Variants in CSMD1 observed in about 807,000 individuals in gnomAD.
The protein encoded by CSMD1 is CUB and sushi domain-containing protein 1.
A neutral mutation model predicts 417.5 loss-of-function variants in CSMD1; 213 were observed. The ratio of observed to expected loss-of-function variants is 0.51; its 90% confidence interval spans 0.46 to 0.57. The LOEUF (loss-of-function observed/expected upper bound fraction) is 0.57. Among genes scored for constraint, CSMD1 ranks in the 20% least tolerant of loss-of-function variants. The pLI, the probability that CSMD1 is intolerant of heterozygous loss-of-function variation, is 0.00. For missense variants in CSMD1, 6,923 were observed against 4,529.7 expected (o/e 1.53, Z -15.17); for synonymous variants, 2,862 against 1,736.8 (o/e 1.65, Z -16.11).
chr8:4,889,830 T>G (rs1803989252), intron 1 of CSMD1, among the ~76,000 whole-genome samples: 2 of 152,232 alleles, frequency 1.3e-5, no homozygotes, highest in East Asian at 1.9e-4. Context: ...CCACAGCCAC[T>G]AGAATTGCTG....
At chr8:4,854,438 G>C (rs779054199) in intron 1 of CSMD1, among the ~76,000 whole-genome samples, 3 of 152,184 alleles carry the variant, frequency 2.0e-5, no homozygotes, top group East Asian at 3.9e-4. Flanking sequence ...AACAGCTCCG[G>C]TCTACAGCTC....
At chr8:4,160,632 C>A (rs544651086) in intron 3 of CSMD1, among the ~76,000 whole-genome samples, 34 of 152,338 alleles carry the variant, frequency 2.2e-4, no homozygotes, top group African/African-American at 7.7e-4. Flanking sequence ...CTTGCAGACA[C>A]TCTGGAAGTC....
chr8:4,266,866 CAT>C (rs1227772999), intron 3 of CSMD1, among the ~76,000 whole-genome samples: 2 of 104,180 alleles, frequency 1.9e-5, no homozygotes, highest in African/African-American at 5.2e-5. Flanking sequence ...TATTTGAAAA[CAT>C]ATTAATTCAA....
At chr8:4,178,591 C>T (rs1385706758) in intron 3 of CSMD1, among the ~76,000 whole-genome samples, 1 of 151,294 alleles carries the variant, frequency 6.6e-6, no homozygotes, top group African/African-American at 2.4e-5. Context: ...GGCAATTAGG[C>T]AGGAGAAGGA....
At chr8:2,984,851 T>C (rs1298026649) in intron 54 of CSMD1, among the ~76,000 whole-genome samples, 1 of 152,252 alleles carries the variant, frequency 6.6e-6, no homozygotes, top group Non-Finnish European at 1.5e-5. Flanking sequence ...GTTGGTGTTT[T>C]TTAACTCACA....
intron 5 of CSMD1, among the ~76,000 whole-genome samples, chr8:3,813,597 A>T (rs1419592416): frequency 6.6e-6 from 1 of 152,110 alleles, no homozygotes; most frequent in Non-Finnish European, 1.5e-5. Context: ...AGATATTTTA[A>T]AAAGAAATTC....
intron 3 of CSMD1, among the ~76,000 whole-genome samples, chr8:4,419,294 C>G (rs17336210): frequency 0.091 from 13,782 of 152,146 alleles, 840 homozygotes; most frequent in Non-Finnish European, 0.14. Flanking sequence ...CACACATCGG[C>G]CTTTAAAGTA....
intron 4 of CSMD1, among the ~76,000 whole-genome samples, chr8:4,025,102 G>C: frequency 6.6e-6 from 1 of 152,164 alleles, no homozygotes; most frequent in East Asian, 1.9e-4. Flanking sequence ...TGGAATAAAA[G>C]GGGACACCGA....
At chr8:4,185,032 G>A in intron 3 of CSMD1, among the ~76,000 whole-genome samples, 1 of 150,866 alleles carries the variant, frequency 6.6e-6, no homozygotes. Context: ...CCAGCTACTT[G>A]GGAGGCTGAG....
intron 33 of CSMD1, among the ~76,000 whole-genome samples, 155 bp from the exon 34 acceptor site, chr8:3,190,270 G>A (rs550788469): frequency 4.7e-5 from 5 of 106,090 alleles, no homozygotes; most frequent in African/African-American, 1.9e-4. Flanking sequence ...GATTTGAGGC[G>A]CTGGGACCAC....
intron 11 of CSMD1, among the ~76,000 whole-genome samples, chr8:3,480,248 A>C (rs1817662172): frequency 6.6e-6 from 1 of 152,108 alleles, no homozygotes; most frequent in Non-Finnish European, 1.5e-5. Context: ...TGTAGTCCCT[A>C]CTACTCAGGA....
intron 50 of CSMD1, among the ~76,000 whole-genome samples, chr8:3,030,042 T>C (rs1247245881): frequency 6.6e-6 from 1 of 152,052 alleles, no homozygotes; most frequent in Non-Finnish European, 1.5e-5. Flanking sequence ...ACTGCACTAA[T>C]ACTGTTTCCA....
At chr8:4,703,019 TG>T (rs1807683906) in intron 1 of CSMD1, among the ~76,000 whole-genome samples, 1 of 152,194 alleles carries the variant, frequency 6.6e-6, no homozygotes, top group Admixed American at 6.5e-5. Flanking sequence ...GAAAAGAATC[TG>T]GCGATATTTT....
chr8:3,718,224 A>C (rs1801951783), intron 6 of CSMD1, among the ~76,000 whole-genome samples: 1 of 152,170 alleles, frequency 6.6e-6, no homozygotes, highest in South Asian at 2.1e-4. Context: ...GTCTGGAAAC[A>C]GTTGTTGTCT....
chr8:4,453,987 AATTTTTTGT>A (rs1269528834), intron 2 of CSMD1, among the ~76,000 whole-genome samples: 1 of 151,278 alleles, frequency 6.6e-6, no homozygotes, highest in Non-Finnish European at 1.5e-5. Flanking sequence ...GCGCCCGGCT[AATTTTTTGT>A]ATTTTTTAGT....
chr8:3,858,495 G>A (rs1213392409), intron 5 of CSMD1, among the ~76,000 whole-genome samples: 3 of 152,096 alleles, frequency 2.0e-5, no homozygotes, highest in East Asian at 3.9e-4. Context: ...CCAACCATTT[G>A]TAGAAATGGA....
chr8:4,341,272 C>T (rs1466147766), intron 3 of CSMD1, among the ~76,000 whole-genome samples: 1 of 152,076 alleles, frequency 6.6e-6, no homozygotes, highest in Non-Finnish European at 1.5e-5. Context: ...AGTTGTATGT[C>T]ATATGGGCAT....
At chr8:3,922,516 C>G (rs1202253440) in intron 5 of CSMD1, among the ~76,000 whole-genome samples, 3 of 151,862 alleles carry the variant, frequency 2.0e-5, no homozygotes, top group Non-Finnish European at 2.9e-5. Context: ...GGCTTTGATT[C>G]TTTTCTATTT....
chr8:4,065,613 C>A (rs770707550), intron 3 of CSMD1, among the ~76,000 whole-genome samples: 8 of 152,098 alleles, frequency 5.3e-5, no homozygotes, highest in Non-Finnish European at 7.4e-5. Flanking sequence ...AAAGGAGACT[C>A]ATGAATGAAG....
Sources: gnomAD v4.1 joint callset for allele counts (sites outside exome capture counted in the v4.1 genomes callset) on GRCh38, gnomAD v4.1.1 for gene constraint, MANE v1.5 for transcripts, NCBI Gene and HGNC (gene_info 2026-07-23, HGNC 2026-07-21) for gene names.